The following PKHD1 variants were observed in gnomAD, a reference collection of about 807,000 sequenced individuals.
The protein encoded by PKHD1 is PKHD1 ciliary IPT domain containing fibrocystin/polyductin.
In PKHD1, 291 loss-of-function variants were observed where a neutral mutation model predicts 412.0. That is an observed-to-expected ratio of 0.71 (90% CI 0.64 to 0.78). The LOEUF (loss-of-function observed/expected upper bound fraction) is 0.78. PKHD1 is among the 30% of genes least tolerant of loss of function. The probability of loss-of-function intolerance (pLI) is 0.00; values close to 1 mark genes in which losing one functional copy is unlikely to be tolerated. For synonymous variants in PKHD1, 1,777 were observed against 1,821.5 expected, an observed-to-expected ratio of 0.98 and a Z score of 0.62; for missense variants, 4,825 against 4,950.7, an observed-to-expected ratio of 0.97 and a Z score of 0.76.
chr6:51,753,209 T>G lies in PKHD1; in HGVS notation c.8942A>C (p.Glu2981Ala). ...VGSFRKSSRE[E>A]FSGVLQLLNV... is the part of the protein sequence containing the mutation. ...CTTAAAATTTCATTTACCTGAAAAT[T>G]CTTCTCGGCTGGACTTCCTGAAGGA... Residue 2981 changes from glutamate to alanine, a missense_variant, in exon 57 of 67, where the codon GAA becomes GCA. Physicochemically the swap from Glu to Ala is moderately radical, Grantham distance 107. Coordinates refer to ENST00000371117, the MANE Select transcript of PKHD1 (RefSeq NM_138694.4). 2 of 1,613,716 alleles carry G rather than the reference T, an allele frequency of 1.2e-6. No homozygotes were observed. The highest frequency in any genetic ancestry group is 2.7e-5 in the African/African-American group (2 of 75,020).
chr6:51,838,508 C>A (rs943864724), intron 50 of PKHD1, among the ~76,000 whole-genome samples: 70 of 152,206 alleles, frequency 4.6e-4, no homozygotes, highest in African/African-American at 1.7e-3. Flanking sequence ...AAATCTGTTG[C>A]TCACTTCATT....
intron 37 of PKHD1, among the ~76,000 whole-genome samples, chr6:51,919,728 C>T (rs1251460452): frequency 6.6e-6 from 1 of 152,188 alleles, no homozygotes; most frequent in Non-Finnish European, 1.5e-5. Flanking sequence ...GCAGTATGGC[C>T]ATTTTCACGA....
At chr6:51,803,946 G>C (rs1482170472) in intron 52 of PKHD1, among the ~76,000 whole-genome samples, 1 of 151,282 alleles carries the variant, frequency 6.6e-6, no homozygotes, top group Admixed American at 6.6e-5. Context: ...GACCTCAGGT[G>C]ATCTGCCTGC....
intron 20 of PKHD1, among the ~76,000 whole-genome samples, 196 bp from the exon 21 acceptor site, chr6:52,053,447 G>A (rs1026967195): frequency 7.2e-5 from 11 of 152,228 alleles, no homozygotes; most frequent in Non-Finnish European, 1.2e-4. Flanking sequence ...CTCAGCCTTG[G>A]TTATAATGCT....
Position 51,941,057 on chromosome 6 carries a change from C to A in PKHD1, c.5909-6735G>T, listed in dbSNP as rs114810494. Among the ~76,000 whole-genome samples the A allele has an allele frequency of 7.2e-3, 1,087 of 151,042 alleles. 19 individuals are homozygous for A. The highest frequency in any genetic ancestry group is 0.025 in the African/African-American group (1,048 of 41,326). ...TCCTTCGCATCCTCCTCTTGTATCCCCCCCCACCTTAACCCACAAATATAA... is the reference window on the plus strand; with the variant it reads ...TCCTTCGCATCCTCCTCTTGTATCCACCCCCACCTTAACCCACAAATATAA... On this transcript the variant is annotated intron_variant, in intron 36 of 66. Coordinates refer to ENST00000371117, the MANE Select transcript of PKHD1 (RefSeq NM_138694.4).
At chr6:52,084,581 A>G (rs755084373) in intron 2 of PKHD1, among the ~76,000 whole-genome samples, 20 of 152,382 alleles carry the variant, frequency 1.3e-4, no homozygotes, top group Non-Finnish European at 2.8e-4. Context: ...GCTCTGCACT[A>G]CAACAATAAT....
chr6:51,912,401 C>T lies in PKHD1; in HGVS notation c.6297G>A (p.Val2099=), dbSNP rs754762056. 60 of 1,612,922 alleles carry T rather than the reference C, an allele frequency of 3.7e-5. No individual in the cohort carries two copies. The highest frequency in any genetic ancestry group is 4.8e-5 in the Non-Finnish European group (57 of 1,179,102). ...PMEEIVTVET[V]QDTDLYLKSP... ...ACTTAAGATAGAGGTCTGTATCCTG[C>T]ACAGTTTCCACAGTGACAATCTCTT... Residue 2099 remains valine (V), a synonymous_variant, in exon 38 of 67, where the codon GTG becomes GTA. Coordinates refer to ENST00000371117, the MANE Select transcript of PKHD1 (RefSeq NM_138694.4).
Position 52,084,893 on chromosome 6 carries a change from A to G in PKHD1, c.41T>C (p.Leu14Pro). Reference protein sequence around the residue: ...WLISLMSIEVLLLAVRHLSLH... With the variant: ...WLISLMSIEVPLLAVRHLSLH... Reference sequence around the variant, plus strand: ...CACATTCTACTGACCTGCCAAAAGTAGTACTTCAATACTCATCAGAGAGAT... The same window carrying G: ...CACATTCTACTGACCTGCCAAAAGTGGTACTTCAATACTCATCAGAGAGAT... Residue 14 changes from leucine to proline, a missense_variant, in exon 2 of 67, where the codon CTA (leucine) becomes CCA (proline). Transcript: ENST00000371117. 6.2e-7 allele frequency: 1 copy of G among 1,602,090 alleles called. No individual in the cohort carries two copies. Among genetic ancestry groups the G allele is most frequent in the Non-Finnish European group, 8.6e-7 (1 of 1,169,120 alleles).
chr6:51,903,020 G>C (rs914738285), intron 43 of PKHD1, among the ~76,000 whole-genome samples: 19 of 152,070 alleles, frequency 1.2e-4, no homozygotes, highest in African/African-American at 4.6e-4. Flanking sequence ...ATTGGTATTG[G>C]AATCAAGTGA....
chr6:51,943,791 C>T lies in PKHD1; in HGVS notation c.5909-9469G>A, dbSNP rs969481572. 4.0e-5 allele frequency among the ~76,000 whole-genome samples: 6 copies of T among 151,388 alleles called. 1 individual carries two copies. The highest frequency in any genetic ancestry group is 8.9e-5 in the Non-Finnish European group (6 of 67,710). ...TTCTTCTAACAACCCCACAATATCA[C>T]CCCTTACCACAAAACCTTCCTTCAG... On this transcript the variant is annotated intron_variant, in intron 36 of 66. Transcript: ENST00000371117.
In PKHD1 at chr6:51,639,583, AAAAAAC is replaced by A. The variant is rs542725660; in HGVS notation, c.11399-633_11399-628del. On this transcript the variant is annotated intron_variant, in intron 63 of 66. Transcript: ENST00000371117. Reference sequence around the variant, plus strand: ...GCCTTGGCTTCCCTAACTAAAATGAAAAAAACAAAAACAAAAACAAAAAAAAACCCT... The same window carrying A: ...GCCTTGGCTTCCCTAACTAAAATGAAAAAAACAAAAACAAAAAAAAACCCT... Among the ~76,000 whole-genome samples the A allele has an allele frequency of 5.3e-5, 8 of 151,802 alleles. 1 individual carries two copies. In the South Asian group the frequency reaches 1.5e-3, roughly 28 times the overall value.
In PKHD1 at chr6:52,024,925, T is replaced by C. The variant is rs776661077; in HGVS notation, c.4885A>G (p.Thr1629Ala). 36 of 1,614,078 alleles carry C rather than the reference T, an allele frequency of 2.2e-5. No individual in the cohort carries two copies. The highest frequency in any genetic ancestry group is 1.0e-4 in the Admixed American group (6 of 60,012). Residue 1629 changes from threonine (T) to alanine (A), a missense_variant, in exon 32 of 67, where the codon ACA becomes GCA. Transcript: ENST00000371117. ...TCCAGGGCAACAGAGCCATTCCCTGTGGGAACAATGCACCGGATGAGCTCA... is the reference window on the plus strand; with the variant it reads ...TCCAGGGCAACAGAGCCATTCCCTGCGGGAACAATGCACCGGATGAGCTCA... ...GAELIRCIVP[T>A]GNGSVALEIE...
intron 36 of PKHD1, among the ~76,000 whole-genome samples, chr6:51,936,057 C>G (rs1787427887): frequency 6.6e-6 from 1 of 152,142 alleles, no homozygotes; most frequent in Non-Finnish European, 1.5e-5. Context: ...CCTCTCCCCA[C>G]CAGAATACAT....
intron 60 of PKHD1, among the ~76,000 whole-genome samples, chr6:51,707,381 A>G (rs1182511892): frequency 1.3e-5 from 2 of 152,154 alleles, no homozygotes; most frequent in Non-Finnish European, 2.9e-5. Context: ...ATACCAGGTG[A>G]ACAGAGTACA....
At chr6:51,814,054 G>GA (rs1490884202) in intron 52 of PKHD1, among the ~76,000 whole-genome samples, 1 of 152,094 alleles carries the variant, frequency 6.6e-6, no homozygotes, top group Non-Finnish European at 1.5e-5. Flanking sequence ...TGCTTTCCCA[G>GA]AAAAATGTAA....
chr6:51,704,294 G>A (rs1187485346), intron 60 of PKHD1, among the ~76,000 whole-genome samples: 6 of 152,024 alleles, frequency 3.9e-5, no homozygotes, highest in African/African-American at 1.4e-4. Context: ...AGTGGTACCT[G>A]AAAAGGAGAC....
intron 36 of PKHD1, among the ~76,000 whole-genome samples, chr6:51,935,786 T>C (rs1787378608): frequency 6.6e-6 from 1 of 152,228 alleles, no homozygotes; most frequent in South Asian, 2.1e-4. Context: ...CTCTGGAAGG[T>C]TCTTTTGATA....
At chr6:51,809,361 C>A (rs935829280) in intron 52 of PKHD1, among the ~76,000 whole-genome samples, 1 of 151,968 alleles carries the variant, frequency 6.6e-6, no homozygotes, top group African/African-American at 2.4e-5. Context: ...TAAGTACATT[C>A]TTTTATATCC....
At chr6:51,709,973 C>T (rs966380411) in intron 60 of PKHD1, among the ~76,000 whole-genome samples, 1 of 151,600 alleles carries the variant, frequency 6.6e-6, no homozygotes, top group African/African-American at 2.4e-5. Flanking sequence ...CTTTGGGAGG[C>T]CGAGGAGGGC....
Sources: gnomAD v4.1 joint callset for allele counts (sites outside exome capture counted in the v4.1 genomes callset) on GRCh38, gnomAD v4.1.1 for gene constraint, MANE v1.5 for transcripts, NCBI Gene and HGNC (gene_info 2026-07-23, HGNC 2026-07-21) for gene names.